The following ADARB2 variants were observed in gnomAD, a reference collection of about 807,000 sequenced individuals.
ADARB2 encodes inactive double-stranded RNA-specific editase B2.
A neutral mutation model predicts 62.2 loss-of-function variants in ADARB2; 25 were observed. The observed-to-expected ratio is 0.40, with a 90% CI of 0.29 to 0.56. The LOEUF (loss-of-function observed/expected upper bound fraction) is 0.56. Among genes scored for constraint, ADARB2 ranks in the 20% least tolerant of loss-of-function variants. ADARB2 has a pLI of 0.43. For synonymous variants in ADARB2, 572 were observed against 500.8 expected (o/e 1.14, Z -1.90); for missense variants, 1,071 against 1,077.4 (o/e 0.99, Z 0.08).
At chr10:1,731,382 A>T (rs1338198554) in intron 1 of ADARB2, among the ~76,000 whole-genome samples, 1 of 152,242 alleles carries the variant, frequency 6.6e-6, no homozygotes, top group African/African-American at 2.4e-5. Flanking sequence ...ATACTAAGAC[A>T]GTAACATATG....
chr10:1,330,588 G>A (rs1035646627), intron 3 of ADARB2, among the ~76,000 whole-genome samples: 1 of 152,170 alleles, frequency 6.6e-6, no homozygotes, highest in African/African-American at 2.4e-5. Flanking sequence ...GCTCTCACCA[G>A]TGCTGATGGT....
intron 1 of ADARB2, among the ~76,000 whole-genome samples, chr10:1,435,705 C>T (rs1317555083): frequency 1.3e-5 from 2 of 152,216 alleles, no homozygotes; most frequent in Middle Eastern, 3.2e-3. Context: ...GGCCTGCCTG[C>T]GTCCAGCTCG....
intron 1 of ADARB2, among the ~76,000 whole-genome samples, chr10:1,541,782 T>C (rs1588294458): frequency 2.2e-5 from 1 of 45,722 alleles, no homozygotes; most frequent in African/African-American, 1.0e-4. Context: ...GTTCGGACCC[T>C]GGATCACAGC....
intron 3 of ADARB2, among the ~76,000 whole-genome samples, chr10:1,327,088 T>TCCC: frequency 3.1e-5 from 1 of 32,088 alleles, no homozygotes; most frequent in East Asian, 1.4e-3. Context: ...CAGCGCCTCC[T>TCCC]CACTGCACAG....
chr10:1,633,572 C>CTATCTATCTATCTA (rs1833874963), intron 1 of ADARB2, among the ~76,000 whole-genome samples: 4 of 146,788 alleles, frequency 2.7e-5, no homozygotes, highest in African/African-American at 5.3e-5. Flanking sequence ...ATCTATCTAT[C>CTATCTATCTATCTA]TATCTATCTA....
At chr10:1,330,212 G>A (rs1397308496) in intron 3 of ADARB2, among the ~76,000 whole-genome samples, 1 of 152,108 alleles carries the variant, frequency 6.6e-6, no homozygotes, top group Non-Finnish European at 1.5e-5. Context: ...GCATCTGAGA[G>A]GCAGCAGGTA....
At chr10:1,406,777 G>T (rs1832710911) in intron 1 of ADARB2, among the ~76,000 whole-genome samples, 1 of 152,192 alleles carries the variant, frequency 6.6e-6, no homozygotes, top group Non-Finnish European at 1.5e-5. Flanking sequence ...TTCCCCCATT[G>T]TCAACCCCCT....
intron 1 of ADARB2, among the ~76,000 whole-genome samples, chr10:1,543,321 T>G (rs750913252): frequency 5.3e-5 from 8 of 152,244 alleles, no homozygotes; most frequent in Admixed American, 2.6e-4. Context: ...GGGTCTGCAG[T>G]GCAGTCAAGG....
intron 1 of ADARB2, among the ~76,000 whole-genome samples, chr10:1,554,401 A>G (rs189440579): frequency 6.6e-6 from 1 of 152,164 alleles, no homozygotes; most frequent in African/African-American, 2.4e-5. Context: ...AGAACCATCA[A>G]TGAATGCTGT....
At chr10:1,457,781 C>G (rs998092294) in intron 1 of ADARB2, among the ~76,000 whole-genome samples, 5 of 152,054 alleles carry the variant, frequency 3.3e-5, no homozygotes, top group Admixed American at 1.3e-4. Context: ...GTTTCTAGCC[C>G]TAAGACTGAG....
At chr10:1,518,797 T>C (rs1308792064) in intron 1 of ADARB2, among the ~76,000 whole-genome samples, 3 of 151,964 alleles carry the variant, frequency 2.0e-5, no homozygotes, top group East Asian at 1.9e-4. Flanking sequence ...CTATATTCCA[T>C]GTAATGTCTG....
chr10:1,247,257 C>A, intron 4 of ADARB2, among the ~76,000 whole-genome samples: 1 of 152,188 alleles, frequency 6.6e-6, no homozygotes, highest in Non-Finnish European at 1.5e-5. Flanking sequence ...TCTAGATATA[C>A]AATCATGTCA....
intron 1 of ADARB2, among the ~76,000 whole-genome samples, chr10:1,597,016 G>A (rs1833344885): frequency 6.6e-6 from 1 of 152,148 alleles, no homozygotes; most frequent in Admixed American, 6.5e-5. Context: ...CTGCCCAGGA[G>A]CCACGAGACT....
At chr10:1,608,044 G>A (rs79271846) in intron 1 of ADARB2, among the ~76,000 whole-genome samples, 16,159 of 152,252 alleles carry the variant, frequency 0.11, 1,008 homozygotes, top group Non-Finnish European at 0.13. Context: ...GGAAACTGAC[G>A]TAGGTTTCAG....
chr10:1,484,928 A>G lies in ADARB2; in HGVS notation c.101-105768T>C, dbSNP rs147823456. On this transcript the variant is annotated intron_variant, in intron 1 of 9. Coordinates refer to ENST00000381312, the MANE Select transcript of ADARB2 (RefSeq NM_018702.4). ...CTTGTAGGTAGGTGTGCAGGTATCT[A>G]TGCAGGTAGGTATGGAAATGGGTAC... is the stretch of plus-strand genomic sequence containing the variant. Among the ~76,000 whole-genome samples the G allele has an allele frequency of 6.2e-4, 95 of 152,264 alleles. No homozygotes were observed. The Middle Eastern group carries it at 0.014, about 22-fold the overall frequency.
intron 6 of ADARB2, among the ~76,000 whole-genome samples, chr10:1,229,285 C>T (rs1014119175): frequency 6.6e-6 from 1 of 152,144 alleles, no homozygotes; most frequent in African/African-American, 2.4e-5. Context: ...ACCCCAGGGC[C>T]CTTGTGTTGT....
intron 1 of ADARB2, among the ~76,000 whole-genome samples, chr10:1,658,146 G>C (rs775253887): frequency 2.7e-5 from 4 of 147,868 alleles, no homozygotes; most frequent in South Asian, 2.2e-4. Context: ...CTCTCTCTCT[G>C]TATCTTATTC....
At chr10:1,662,101 T>A (rs1834256464) in intron 1 of ADARB2, among the ~76,000 whole-genome samples, 1 of 152,146 alleles carries the variant, frequency 6.6e-6, no homozygotes, top group South Asian at 2.1e-4. Context: ...TTGAAGGTGC[T>A]TTAAGGATGT....
intron 1 of ADARB2, among the ~76,000 whole-genome samples, chr10:1,425,377 T>C (rs1832885784): frequency 6.6e-6 from 1 of 152,264 alleles, no homozygotes; most frequent in African/African-American, 2.4e-5. Flanking sequence ...TCCCGGAGCA[T>C]AGAGACTATG....
Sources: allele counts gnomAD v4.1 joint callset (sites outside exome capture counted in the v4.1 genomes callset), GRCh38; gene constraint gnomAD v4.1.1; transcripts MANE v1.5; gene names NCBI Gene and HGNC (gene_info 2026-07-23, HGNC 2026-07-21).